Variants in EYS observed in about 807,000 individuals in gnomAD.
The protein encoded by EYS is protein eyes shut homolog.
Under a neutral mutation model 282.1 loss-of-function variants are expected in EYS, and 250 were observed. The observed-to-expected ratio is 0.89, with a 90% CI of 0.80 to 0.98. The LOEUF is 0.98. Among genes scored for constraint, EYS ranks in the 50% least tolerant of loss-of-function variants. The pLI, the probability that EYS is intolerant of heterozygous loss-of-function variation, is 0.00. For synonymous variants in EYS, 1,355 were observed against 1,282.9 expected (o/e 1.06, Z -1.20); for missense variants, 4,016 against 3,709.0 (o/e 1.08, Z -2.15).
intron 12 of EYS, among the ~76,000 whole-genome samples, chr6:65,267,861 A>C (rs1352844275): frequency 6.6e-6 from 1 of 151,952 alleles, no homozygotes; most frequent in Non-Finnish European, 1.5e-5. Context: ...CAAAAAACCA[A>C]GATGGATCTC....
chr6:64,279,913 A>G (rs1300576257), intron 30 of EYS, among the ~76,000 whole-genome samples: 1 of 152,204 alleles, frequency 6.6e-6, no homozygotes, highest in Non-Finnish European at 1.5e-5. Flanking sequence ...TAAATAATTA[A>G]GACTGACTTG....
chr6:64,089,677 T>C (rs1369591010), intron 31 of EYS, among the ~76,000 whole-genome samples: 1 of 152,036 alleles, frequency 6.6e-6, no homozygotes. Flanking sequence ...CACATTTCTA[T>C]TAATCCATAA....
chr6:64,325,948 G>A (rs1166240110), intron 29 of EYS, among the ~76,000 whole-genome samples: 2 of 152,206 alleles, frequency 1.3e-5, no homozygotes, highest in South Asian at 2.1e-4. Flanking sequence ...TATTCCTAAG[G>A]AAGAAGAGAA....
intron 26 of EYS, among the ~76,000 whole-genome samples, chr6:64,446,986 TGG>T (rs71551588): frequency 1.4e-5 from 2 of 138,676 alleles, no homozygotes; most frequent in Non-Finnish European, 3.2e-5. Context: ...TGTGTGTGTG[TGG>T]GGGGGGGGTG....
At chr6:64,164,488 G>C (rs1288352600) in intron 31 of EYS, among the ~76,000 whole-genome samples, 1 of 152,010 alleles carries the variant, frequency 6.6e-6, no homozygotes, top group East Asian at 1.9e-4. Flanking sequence ...AATCGTACTG[G>C]TAATTCTATA....
At chr6:65,040,416 T>G (rs1207186884) in intron 13 of EYS, among the ~76,000 whole-genome samples, 1 of 151,730 alleles carries the variant, frequency 6.6e-6, no homozygotes, top group Non-Finnish European at 1.5e-5. Context: ...TGTGTGTCTG[T>G]GCCTAAATTT....
chr6:65,140,354 A>T (rs1764297908), intron 12 of EYS, among the ~76,000 whole-genome samples: 1 of 152,086 alleles, frequency 6.6e-6, no homozygotes, highest in Non-Finnish European at 1.5e-5. Context: ...ACTGAAAAAA[A>T]AATCATGAAC....
At chr6:63,742,601 T>G (rs1769104155) in intron 41 of EYS, among the ~76,000 whole-genome samples, 1 of 152,182 alleles carries the variant, frequency 6.6e-6, no homozygotes, top group Non-Finnish European at 1.5e-5. Context: ...ATGCCAATAA[T>G]GCTCTTCAAG....
chr6:65,539,202 A>G (rs1751181272), intron 2 of EYS, among the ~76,000 whole-genome samples: 1 of 152,212 alleles, frequency 6.6e-6, no homozygotes, highest in Non-Finnish European at 1.5e-5. Context: ...ATCACTAAGG[A>G]GATTCAATAA....
intron 12 of EYS, among the ~76,000 whole-genome samples, chr6:65,101,357 A>G (rs1019125839): frequency 5.9e-5 from 9 of 151,326 alleles, no homozygotes; most frequent in Admixed American, 1.3e-4. Context: ...AAGCAAATAG[A>G]TGAAAGAGCA....
intron 12 of EYS, among the ~76,000 whole-genome samples, chr6:65,110,137 G>A (rs1384074779): frequency 3.3e-5 from 5 of 152,020 alleles, no homozygotes; most frequent in Non-Finnish European, 5.9e-5. Context: ...GTGAAGAAGA[G>A]CCTCACATGA....
chr6:64,316,391 G>A (rs1321733466), intron 29 of EYS, among the ~76,000 whole-genome samples: 6 of 152,064 alleles, frequency 3.9e-5, no homozygotes, highest in Non-Finnish European at 7.4e-5. Context: ...ATATCAATGT[G>A]CAAAAATCAC....
intron 35 of EYS, among the ~76,000 whole-genome samples, chr6:63,946,295 G>C (rs191563837): frequency 1.3e-4 from 20 of 151,444 alleles, no homozygotes; most frequent in Non-Finnish European, 2.1e-4. Flanking sequence ...AGCATAACAT[G>C]ATAAATCTGT....
chr6:63,883,660 T>C (rs976002021), intron 35 of EYS, among the ~76,000 whole-genome samples: 4 of 152,242 alleles, frequency 2.6e-5, no homozygotes, highest in Admixed American at 6.5e-5. Flanking sequence ...CCCTTGCTCC[T>C]TGGGACTGCC....
intron 13 of EYS, among the ~76,000 whole-genome samples, chr6:65,020,336 G>C (rs1484046357): frequency 6.6e-6 from 1 of 152,060 alleles, no homozygotes; most frequent in Non-Finnish European, 1.5e-5. Context: ...TGGGTAAATG[G>C]ACCCATTTCA....
intron 29 of EYS, among the ~76,000 whole-genome samples, chr6:64,382,852 A>C (rs1772791300): frequency 6.6e-6 from 1 of 152,188 alleles, no homozygotes. Flanking sequence ...AAAAAGATGC[A>C]TCAGAGTAAA....
intron 26 of EYS, among the ~76,000 whole-genome samples, chr6:64,585,170 A>G (rs940497159): frequency 6.6e-6 from 1 of 152,066 alleles, no homozygotes; most frequent in Non-Finnish European, 1.5e-5. Flanking sequence ...CTTGGCAGCA[A>G]TAGGGATACA....
At chr6:64,506,325 G>A (rs1777204105) in intron 26 of EYS, among the ~76,000 whole-genome samples, 3 of 152,062 alleles carry the variant, frequency 2.0e-5, no homozygotes, top group Admixed American at 2.0e-4. Flanking sequence ...ATTAAACTTG[G>A]CTGAAAAAGT....
chr6:65,436,315 G>T (rs1230096957), intron 5 of EYS, among the ~76,000 whole-genome samples: 1 of 151,954 alleles, frequency 6.6e-6, no homozygotes, highest in Non-Finnish European at 1.5e-5. Flanking sequence ...ACCAACAACA[G>T]ACATTATTTT....
Sources: allele counts gnomAD v4.1 joint callset (sites outside exome capture counted in the v4.1 genomes callset), GRCh38; gene constraint gnomAD v4.1.1; transcripts MANE v1.5; gene names NCBI Gene and HGNC (gene_info 2026-07-23, HGNC 2026-07-21).